Variants in DOK6 observed in about 807,000 individuals in gnomAD.
DOK6 encodes docking protein 6.
Under a neutral mutation model 44.0 loss-of-function variants are expected in DOK6, and 22 were observed. That is an observed-to-expected ratio of 0.50 (90% CI 0.36 to 0.71). The LOEUF (loss-of-function observed/expected upper bound fraction) is 0.71. Ranked by LOEUF, DOK6 falls within the 30% of genes least tolerant of loss-of-function variation. The pLI is 0.00. For synonymous variants in DOK6, 166 were observed against 145.5 expected (o/e 1.14, Z -1.01); for missense variants, 340 against 416.4 (o/e 0.82, Z 1.60).
chr18:69,659,919 T>TATAA (rs1323476886), intron 3 of DOK6: 2 of 78,808 alleles, frequency 2.5e-5, no homozygotes, highest in Middle Eastern at 0.011. Context: ...TTTATATATA[T>TATAA]AACATATATG....
intron 5 of DOK6, among the ~76,000 whole-genome samples, chr18:69,722,460 A>G (rs1228488719): frequency 6.6e-6 from 1 of 152,138 alleles, no homozygotes; most frequent in Non-Finnish European, 1.5e-5. Context: ...CTCTCCCCAA[A>G]ATGCCCATCG....
intron 1 of DOK6, among the ~76,000 whole-genome samples, chr18:69,503,105 T>C (rs1459883158): frequency 6.6e-6 from 1 of 152,162 alleles, no homozygotes; most frequent in African/African-American, 2.4e-5. Flanking sequence ...TCAAAATAGG[T>C]TGTATGATTT....
chr18:69,676,199 C>T (rs111309949), intron 3 of DOK6, among the ~76,000 whole-genome samples: 1 of 152,162 alleles, frequency 6.6e-6, no homozygotes, highest in Admixed American at 6.5e-5. Flanking sequence ...AATAAAAGTG[C>T]TTCTCATGAT....
intron 2 of DOK6, among the ~76,000 whole-genome samples, chr18:69,577,007 C>T (rs896644530): frequency 2.7e-4 from 41 of 152,028 alleles, no homozygotes; most frequent in African/African-American, 9.4e-4. Context: ...GCCAGAAAAG[C>T]GATGCTTGTA....
intron 3 of DOK6, among the ~76,000 whole-genome samples, chr18:69,612,465 A>AGGGCGCATGTGTGCGAGGGCGCAGG (rs1984180059): frequency 3.2e-5 from 2 of 62,750 alleles, no homozygotes; most frequent in South Asian, 4.3e-4. Flanking sequence ...GAGCGTGCAT[A>AGGGCGCATGTGTGCGAGGGCGCAGG]TGTATTTCTT....
At chr18:69,674,180 A>C (rs1642103024) in intron 3 of DOK6, among the ~76,000 whole-genome samples, 1 of 152,242 alleles carries the variant, frequency 6.6e-6, no homozygotes, top group African/African-American at 2.4e-5. Context: ...AGAATTAAAA[A>C]GCATAGTTGT....
intron 7 of DOK6, among the ~76,000 whole-genome samples, chr18:69,772,156 T>A (rs755758759): frequency 3.3e-5 from 5 of 151,860 alleles, no homozygotes; most frequent in Non-Finnish European, 5.9e-5. Context: ...GGTGACAGAA[T>A]GAGACTCCAT....
intron 2 of DOK6, among the ~76,000 whole-genome samples, chr18:69,580,991 A>T (rs1323174281): frequency 1.3e-5 from 2 of 152,232 alleles, no homozygotes; most frequent in African/African-American, 4.8e-5. Flanking sequence ...GTTGCCACAC[A>T]TGACAGATGT....
rs116766019 is a variant in DOK6, at chr18:69,538,945, G to A, written c.67-25542G>A. Among the ~76,000 whole-genome samples, 926 of 152,204 alleles carry A rather than the reference G, an allele frequency of 6.1e-3. 7 individuals are homozygous for A. Among genetic ancestry groups the A allele is most frequent in the African/African-American group, 0.021 (855 of 41,530 alleles). On this transcript the variant is annotated intron_variant, in intron 1 of 7. Coordinates refer to ENST00000382713, the MANE Select transcript of DOK6 (RefSeq NM_152721.6). The stretch of plus-strand genomic sequence containing the variant: ...TGCTCTCTGTTTCTTCATCTGTAAC[G>A]TGGAAATAATAGGAGTAGCTTTCAC...
In DOK6 at chr18:69,499,082, A is replaced by G. The variant is rs73468853; in HGVS notation, c.67-65405A>G. Among the ~76,000 whole-genome samples the G allele has an allele frequency of 1.3e-3, 199 of 152,256 alleles. 1 individual carries two copies. Among genetic ancestry groups the G allele is most frequent in the African/African-American group, 4.4e-3 (181 of 41,556 alleles). ...ATAATTTTGAATATTACATTTCGCA[A>G]TGGTATATGCTGTGTGTAAATGCCA... On this transcript the variant is annotated intron_variant, in intron 1 of 7. Coordinates refer to ENST00000382713, the MANE Select transcript of DOK6 (RefSeq NM_152721.6).
chr18:69,764,297 G>GA (rs1170473720), intron 7 of DOK6, among the ~76,000 whole-genome samples: 1 of 152,096 alleles, frequency 6.6e-6, no homozygotes, highest in Non-Finnish European at 1.5e-5. Flanking sequence ...CAGGTTTATG[G>GA]GACTGCACGT....
At chr18:69,571,834 A>G (rs1983121516) in intron 2 of DOK6, among the ~76,000 whole-genome samples, 1 of 152,050 alleles carries the variant, frequency 6.6e-6, no homozygotes, top group South Asian at 2.1e-4. Flanking sequence ...GCTAGAAAAA[A>G]TATATATATC....
chr18:69,476,706 G>A lies in DOK6; in HGVS notation c.66+75396G>A, dbSNP rs182986645. Among the ~76,000 whole-genome samples the A allele has an allele frequency of 6.6e-5, 10 of 152,348 alleles. No homozygotes were observed. The East Asian group carries it at 1.4e-3, about 21-fold the overall frequency. Reference sequence around the variant, plus strand: ...TCAGGAACTGGGCTTGAGGAGAAGAGGTAGCAGGAAGCAGGTAGCAGGGCC... The same window carrying A: ...TCAGGAACTGGGCTTGAGGAGAAGAAGTAGCAGGAAGCAGGTAGCAGGGCC... On this transcript the variant is annotated intron_variant, in intron 1 of 7. Coordinates refer to ENST00000382713, the MANE Select transcript of DOK6 (RefSeq NM_152721.6).
At chr18:69,626,328 C>A (rs1984556269) in intron 3 of DOK6, among the ~76,000 whole-genome samples, 1 of 152,186 alleles carries the variant, frequency 6.6e-6, no homozygotes, top group South Asian at 2.1e-4. Flanking sequence ...ATTCCCCTGA[C>A]CACTTCAAAC....
At chr18:69,809,190 G>A (rs1240022732) in intron 7 of DOK6, among the ~76,000 whole-genome samples, 2 of 151,676 alleles carry the variant, frequency 1.3e-5, no homozygotes, top group African/African-American at 2.4e-5. Flanking sequence ...TTAACAGAAC[G>A]AAGGACAAAA....
intron 1 of DOK6, among the ~76,000 whole-genome samples, chr18:69,500,266 G>A: frequency 6.6e-6 from 1 of 151,994 alleles, no homozygotes; most frequent in East Asian, 1.9e-4. Flanking sequence ...TACTTACTTG[G>A]ACACATCAAA....
rs1239678185 is a variant in DOK6, at chr18:69,671,010, T to TAC, written c.290-6715_290-6714dup. ...ACACACACGCACACACGCGCACACA[T>TAC]ACACACACACTACACCATTCTTTTC... On this transcript the variant is annotated intron_variant, in intron 3 of 7. Coordinates refer to ENST00000382713, the MANE Select transcript of DOK6 (RefSeq NM_152721.6). Among the ~76,000 whole-genome samples, 18 of 152,112 alleles carry TAC rather than the reference T, an allele frequency of 1.2e-4. No homozygotes were observed. The East Asian group carries it at 3.5e-3, about 29-fold the overall frequency.
At chr18:69,518,465 G>A (rs939694262) in intron 1 of DOK6, among the ~76,000 whole-genome samples, 1 of 151,824 alleles carries the variant, frequency 6.6e-6, no homozygotes, top group Non-Finnish European at 1.5e-5. Context: ...GAAATACCTT[G>A]GTTACTTACA....
At chr18:69,623,667 T>G (rs1439684855) in intron 3 of DOK6, among the ~76,000 whole-genome samples, 1 of 152,218 alleles carries the variant, frequency 6.6e-6, no homozygotes, top group Non-Finnish European at 1.5e-5. Flanking sequence ...TGATTATTAC[T>G]AATATTTATT....
Sources: gnomAD v4.1 joint callset for allele counts (sites outside exome capture counted in the v4.1 genomes callset) on GRCh38, gnomAD v4.1.1 for gene constraint, MANE v1.5 for transcripts, NCBI Gene and HGNC (gene_info 2026-07-23, HGNC 2026-07-21) for gene names.